The following AFF3 variants were observed in gnomAD, a reference collection of about 807,000 sequenced individuals.
AFF3 encodes ALF transcription elongation factor 3, also known as AF4/FMR2 family member 3.
Under a neutral mutation model 129.7 loss-of-function variants are expected in AFF3, and 32 were observed. The ratio of observed to expected loss-of-function variants is 0.25; its 90% CI spans 0.19 to 0.33. AFF3 has a LOEUF of 0.33. Among genes scored for constraint, AFF3 ranks in the 10% least tolerant of loss-of-function variants. The probability of loss-of-function intolerance (pLI) is 1.00; values close to 1 mark genes in which losing one functional copy is unlikely to be tolerated. For missense variants in AFF3, 1,373 were observed against 1,592.0 expected (o/e 0.86, Z 2.34); for synonymous variants, 644 against 635.4 (o/e 1.01, Z -0.20).
chr2:100,092,947 G>A (rs1207746607), intron 4 of AFF3, among the ~76,000 whole-genome samples: 1 of 151,724 alleles, frequency 6.6e-6, no homozygotes, highest in African/African-American at 2.4e-5. Context: ...GGCTAGAAAT[G>A]TGGTCTCTTC....
At chr2:100,126,254 A>G (rs186049499) in intron 2 of AFF3, among the ~76,000 whole-genome samples, 4 of 152,344 alleles carry the variant, frequency 2.6e-5, no homozygotes, top group Admixed American at 2.6e-4. Flanking sequence ...AAACACGATC[A>G]GGACAATTTA....
At chr2:100,088,518 A>T (rs892283797) in intron 4 of AFF3, among the ~76,000 whole-genome samples, 1 of 150,418 alleles carries the variant, frequency 6.6e-6, no homozygotes, top group Non-Finnish European at 1.5e-5. Context: ...GTTAAAAGAA[A>T]CATTTCCTGG....
intron 7 of AFF3, among the ~76,000 whole-genome samples, chr2:99,923,269 T>C (rs963393573): frequency 6.6e-6 from 1 of 152,212 alleles, no homozygotes; most frequent in Admixed American, 6.5e-5. Context: ...CAAAGTTCAA[T>C]GGCTCCTTAG....
rs765346507 is a variant in AFF3 at position 99,593,876 on chromosome 2, T to C, written c.1785A>G (p.Ser595=). The change falls in exon 15 of 25, where the codon TCA becomes TCG. Residue 595 remains serine (S), a synonymous_variant. Transcript: ENST00000672756. ...GGTGGCAGTTGGCGCCGTCCCCGGC[T>C]GAGGTCCTCTCGGTGCGCCTGGTGG... ...KKPTRRTERT[S]AGDGANCHRP... The C allele has an allele frequency of 2.2e-6, 3 of 1,385,710 alleles. No individual in the cohort carries two copies. Among genetic ancestry groups the C allele is most frequent in the East Asian group, 6.9e-5 (2 of 28,826 alleles). The allele number at this position is 1,385,710 out of a possible 1,614,324, so 85.8% of individuals were successfully genotyped here.
At chr2:100,133,831 G>A (rs918031361) in intron 1 of AFF3, among the ~76,000 whole-genome samples, 1 of 152,176 alleles carries the variant, frequency 6.6e-6, no homozygotes, top group Non-Finnish European at 1.5e-5. Context: ...TTCTGGGGAG[G>A]CTGAGGCAGG....
intron 4 of AFF3, among the ~76,000 whole-genome samples, chr2:100,026,724 T>TAC (rs1354321000): frequency 6.8e-6 from 1 of 147,820 alleles, no homozygotes; most frequent in African/African-American, 2.5e-5. Flanking sequence ...TAAATATATA[T>TAC]ATATATAATG....
chr2:99,966,893 TA>T (rs1164799354), intron 7 of AFF3, among the ~76,000 whole-genome samples: 1 of 152,052 alleles, frequency 6.6e-6, no homozygotes, highest in African/African-American at 2.4e-5. Flanking sequence ...GGAAACAGAT[TA>T]ATAGCACTCT....
rs1559462030 is a variant in AFF3, at chr2:99,549,943, G to A, written c.*1531C>T. ...AATGGATTGCACCACATATTACACC[G>A]CCTGCCTTTCTCAGACCGTCCTGGT... On this transcript the variant is annotated 3_prime_UTR_variant, in exon 25 of 25. Transcript: ENST00000672756. 5 of 219,960 alleles carry A rather than the reference G, an allele frequency of 2.3e-5. No homozygotes were observed. The highest frequency in any genetic ancestry group is 2.0e-4 in the East Asian group (3 of 15,176). 13.6% of individuals were successfully genotyped at this position (219,960 alleles called of 1,614,324 possible).
intron 7 of AFF3, among the ~76,000 whole-genome samples, chr2:99,895,182 T>C (rs1693850698): frequency 6.6e-6 from 1 of 152,238 alleles, no homozygotes; most frequent in Non-Finnish European, 1.5e-5. Context: ...CTACTGGATA[T>C]GTTCTGAGCA....
At chr2:99,950,383 A>G (rs1476064513) in intron 7 of AFF3, among the ~76,000 whole-genome samples, 1 of 152,186 alleles carries the variant, frequency 6.6e-6, no homozygotes, top group Non-Finnish European at 1.5e-5. Flanking sequence ...ATGTGGGTGA[A>G]TATGTGGTAG....
intron 7 of AFF3, among the ~76,000 whole-genome samples, chr2:99,902,490 G>A (rs973085016): frequency 2.0e-5 from 3 of 152,074 alleles, no homozygotes; most frequent in Admixed American, 6.5e-5. Context: ...GGTGTCCCTC[G>A]TCAAGGCAGG....
At chr2:100,008,647 T>C (rs1280722878) in intron 5 of AFF3, among the ~76,000 whole-genome samples, 165 bp downstream of exon 5, 1 of 152,190 alleles carries the variant, frequency 6.6e-6, no homozygotes, top group Non-Finnish European at 1.5e-5. Context: ...ACACCTCAAT[T>C]TCTGGGGGAA....
rs1682044971 is a variant in AFF3, at chr2:100,007,131, C to T, written c.487+17G>A. 4.3e-6 allele frequency: 7 copies of T among 1,612,550 alleles called. No individual in the cohort carries two copies. Among genetic ancestry groups the T allele is most frequent in the Non-Finnish European group, 5.9e-6 (7 of 1,179,104 alleles). ...TAGCAGATTTGTGCAAATCAAGCAACCTGTGCCTGTGCTTACTTGCTCTCT... is the reference window on the plus strand; with the variant it reads ...TAGCAGATTTGTGCAAATCAAGCAATCTGTGCCTGTGCTTACTTGCTCTCT... On this transcript the variant is annotated intron_variant, in intron 6 of 24. Coordinates refer to ENST00000672756, the MANE Select transcript of AFF3 (RefSeq NM_001386135.1).
At chr2:99,859,907 A>C (rs1287367740) in intron 7 of AFF3, among the ~76,000 whole-genome samples, 3 of 152,190 alleles carry the variant, frequency 2.0e-5, no homozygotes, top group Non-Finnish European at 4.4e-5. Flanking sequence ...TAGAACTTTC[A>C]GCCAATAAAG....
At chr2:100,107,942 T>C (rs1374635950) in intron 2 of AFF3, among the ~76,000 whole-genome samples, 1 of 151,172 alleles carries the variant, frequency 6.6e-6, no homozygotes, top group Non-Finnish European at 1.5e-5. Flanking sequence ...AGTGGGATTT[T>C]TTTTCTCTCT....
chr2:99,695,960 ACCAAAAG>A (rs1676210770), intron 11 of AFF3, among the ~76,000 whole-genome samples: 5 of 106,338 alleles, frequency 4.7e-5, no homozygotes, highest in African/African-American at 1.2e-4. Context: ...AAAAAAAAAA[ACCAAAAG>A]AAAAAACCAA....
intron 8 of AFF3, among the ~76,000 whole-genome samples, chr2:99,802,522 G>T (rs936353266): frequency 1.3e-5 from 2 of 152,068 alleles, no homozygotes; most frequent in Admixed American, 6.6e-5. Flanking sequence ...ACTTAGCCAG[G>T]TGCAGTGGTG....
intron 13 of AFF3, among the ~76,000 whole-genome samples, chr2:99,604,912 C>CA (rs1262797758): frequency 6.6e-6 from 1 of 152,234 alleles, no homozygotes; most frequent in Non-Finnish European, 1.5e-5. Flanking sequence ...TTTCACTCAA[C>CA]AAAAAACATG....
intron 10 of AFF3, among the ~76,000 whole-genome samples, chr2:99,731,238 G>A (rs890875681): frequency 5.9e-5 from 9 of 152,156 alleles, no homozygotes; most frequent in African/African-American, 1.9e-4. Context: ...GATTACAGGT[G>A]TAAGCTACCG....
Sources: allele counts gnomAD v4.1 joint callset (sites outside exome capture counted in the v4.1 genomes callset), GRCh38; gene constraint gnomAD v4.1.1; transcripts MANE v1.5; gene names NCBI Gene and HGNC (gene_info 2026-07-23, HGNC 2026-07-21).